The following CCNY variants were observed in gnomAD, a reference collection of about 807,000 sequenced individuals.
The protein encoded by CCNY is cyclin Y.
Under a neutral mutation model 42.8 loss-of-function variants are expected in CCNY, and 19 were observed. The observed-to-expected ratio is 0.44, with a 90% CI of 0.31 to 0.65. The LOEUF is 0.65. Ranked by LOEUF, CCNY falls within the 30% of genes least tolerant of loss-of-function variation. CCNY has a pLI of 0.07. For synonymous variants in CCNY, 165 were observed against 162.7 expected (o/e 1.01, Z -0.11); for missense variants, 370 against 437.3 (o/e 0.85, Z 1.37).
chr10:35,410,242 G>A (rs4934750), intron 1 of CCNY, among the ~76,000 whole-genome samples: 1 of 152,010 alleles, frequency 6.6e-6, no homozygotes, highest in African/African-American at 2.4e-5. Context: ...ATAGTTTTAC[G>A]TTTCAAACAG....
chr10:35,351,872 G>A (rs552802542), intron 1 of CCNY, among the ~76,000 whole-genome samples: 3 of 152,096 alleles, frequency 2.0e-5, no homozygotes, highest in Non-Finnish European at 4.4e-5. Context: ...CCTCCTGAAT[G>A]TCTTCAGCCT....
intron 7 of CCNY, among the ~76,000 whole-genome samples, chr10:35,550,810 A>AG (rs140317989): frequency 0.013 from 1,921 of 152,068 alleles, 22 homozygotes; most frequent in African/African-American, 0.028. Flanking sequence ...TCCTGTCTCC[A>AG]GCCTTAAAAT....
At chr10:35,504,245 C>T (rs181550913) in intron 3 of CCNY, among the ~76,000 whole-genome samples, 1 of 152,294 alleles carries the variant, frequency 6.6e-6, no homozygotes, top group Admixed American at 6.5e-5. Flanking sequence ...ATGATAACTG[C>T]AGGGGAAATA....
chr10:35,549,402 C>G lies in CCNY; in HGVS notation c.580-3617C>G, dbSNP rs1233949203. ...CCTACAGTGCTCGTGACCCTGTGCTCCTCATGGCCCATGACCCTACAGTGC... is the reference window on the plus strand; with the variant it reads ...CCTACAGTGCTCGTGACCCTGTGCTGCTCATGGCCCATGACCCTACAGTGC... On this transcript the variant is annotated intron_variant, in intron 7 of 9. Coordinates refer to ENST00000374704, the MANE Select transcript of CCNY (RefSeq NM_145012.6). 2.2e-3 allele frequency among the ~76,000 whole-genome samples: 224 copies of G among 103,346 alleles called. No individual in the cohort carries two copies. In the Middle Eastern group the frequency reaches 0.029, roughly 14 times the overall value. The allele number at this position is 103,346 out of a possible 152,430, so 67.8% of individuals were successfully genotyped here. A position where few individuals can be genotyped will look rare whatever the true frequency, so the allele number is the denominator to read the frequency against.
intron 1 of CCNY, among the ~76,000 whole-genome samples, chr10:35,413,563 G>C (rs1336226309): frequency 1.3e-5 from 2 of 152,200 alleles, no homozygotes; most frequent in Non-Finnish European, 2.9e-5. Flanking sequence ...GTAAAACTTG[G>C]AAGTGTCTGG....
chr10:35,435,198 G>T (rs1838502142), intron 1 of CCNY, among the ~76,000 whole-genome samples: 1 of 152,202 alleles, frequency 6.6e-6, no homozygotes, highest in African/African-American at 2.4e-5. Context: ...AAGGCTAGGA[G>T]TTGGAAGCTC....
intron 8 of CCNY, among the ~76,000 whole-genome samples, chr10:35,562,667 A>G (rs999481613): frequency 3.3e-5 from 5 of 152,266 alleles, no homozygotes; most frequent in South Asian, 2.1e-4. Flanking sequence ...TTAGGGCTGT[A>G]TAATACTTCA....
At chr10:35,515,317 T>C (rs1330058107) in intron 3 of CCNY, among the ~76,000 whole-genome samples, 1 of 152,230 alleles carries the variant, frequency 6.6e-6, no homozygotes, top group Non-Finnish European at 1.5e-5. Flanking sequence ...ATTTAAGAAA[T>C]TGGAACCCCA....
At chr10:35,374,267 AT>A (rs200562795) in intron 1 of CCNY, among the ~76,000 whole-genome samples, 1 of 152,024 alleles carries the variant, frequency 6.6e-6, no homozygotes, top group African/African-American at 2.4e-5. Context: ...CATGGGGTTA[AT>A]TTTTTTTATT....
chr10:35,273,750 G>A (rs919727724), intron 3 of CCNY, among the ~76,000 whole-genome samples: 5 of 152,152 alleles, frequency 3.3e-5, no homozygotes, highest in Non-Finnish European at 7.4e-5. Flanking sequence ...TATGTGAAAT[G>A]CTGCATAGCC....
intron 1 of CCNY, among the ~76,000 whole-genome samples, chr10:35,410,069 A>G (rs1312786331): frequency 6.6e-6 from 1 of 152,160 alleles, no homozygotes; most frequent in African/African-American, 2.4e-5. Context: ...TGCAACTTAG[A>G]TGGTACAGAA....
chr10:35,559,238 T>A (rs918857799), intron 8 of CCNY, among the ~76,000 whole-genome samples: 1 of 152,210 alleles, frequency 6.6e-6, no homozygotes, highest in African/African-American at 2.4e-5. Context: ...GGAGGAAAGG[T>A]GATCCTTGTT....
chr10:35,363,306 TG>T (rs909433801), intron 1 of CCNY, among the ~76,000 whole-genome samples: 1 of 140,278 alleles, frequency 7.1e-6, no homozygotes, highest in Admixed American at 7.0e-5. Context: ...CCCAGACGGT[TG>T]GGGGGCCGGG....
chr10:35,250,941 G>A (rs1565051870), intron 3 of CCNY: 2 of 152,160 alleles, frequency 1.3e-5, no homozygotes, highest in Non-Finnish European at 2.9e-5. Flanking sequence ...TAAGGTGAAT[G>A]TCATCTCAAG....
At chr10:35,358,325 G>T (rs1836606586) in intron 1 of CCNY, among the ~76,000 whole-genome samples, 1 of 151,728 alleles carries the variant, frequency 6.6e-6, no homozygotes, top group Non-Finnish European at 1.5e-5. Context: ...TGTGTGAGGT[G>T]GTCCACATAT....
At chr10:35,288,195 T>C (rs192264287) in intron 3 of CCNY, among the ~76,000 whole-genome samples, 1 of 152,274 alleles carries the variant, frequency 6.6e-6, no homozygotes, top group East Asian at 1.9e-4. Context: ...AATTTCCATT[T>C]CCCTGATGAC....
chr10:35,401,264 G>A (rs1439620595), intron 1 of CCNY, among the ~76,000 whole-genome samples: 1 of 152,242 alleles, frequency 6.6e-6, no homozygotes, highest in African/African-American at 2.4e-5. Context: ...AGAGGACTGC[G>A]TAGAGGACCA....
At chr10:35,515,496 C>T (rs973126437) in intron 3 of CCNY, among the ~76,000 whole-genome samples, 6 of 152,264 alleles carry the variant, frequency 3.9e-5, no homozygotes, top group South Asian at 2.1e-4. Context: ...TGGTCTCTAA[C>T]GTTGAGGCTT....
chr10:35,441,377 TC>T lies in CCNY; in HGVS notation c.155-42025del, dbSNP rs575873559. 1.2e-4 allele frequency among the ~76,000 whole-genome samples: 18 copies of T among 152,366 alleles called. No homozygotes were observed. In the East Asian group the frequency reaches 3.5e-3, roughly 29 times the overall value. ...TGGCCTTAGAGAGTGGTACAGAGTT[TC>T]CTATGTATCTGCATTGTGTACGTTT... is the stretch of plus-strand genomic sequence containing the variant. On this transcript the variant is annotated intron_variant, in intron 1 of 9. Transcript: ENST00000374704.
Sources: gnomAD v4.1 joint callset for allele counts (sites outside exome capture counted in the v4.1 genomes callset) on GRCh38, gnomAD v4.1.1 for gene constraint, MANE v1.5 for transcripts, NCBI Gene and HGNC (gene_info 2026-07-23, HGNC 2026-07-21) for gene names.